RHOBTB1: variants seen among roughly 807,000 people sequenced by gnomAD.
RHOBTB1 encodes the protein rho-related BTB domain-containing protein 1.
A neutral mutation model predicts 71.6 loss-of-function variants in RHOBTB1; 40 were observed. The ratio of observed to expected loss-of-function variants is 0.56; its 90% confidence interval spans 0.43 to 0.73. The LOEUF (loss-of-function observed/expected upper bound fraction) is 0.73. RHOBTB1 is among the 30% of genes least tolerant of loss of function. The pLI is 0.00. For missense variants in RHOBTB1, 797 were observed against 894.0 expected (o/e 0.89, Z 1.38); for synonymous variants, 319 against 334.9 (o/e 0.95, Z 0.52).
At chr10:60,981,026 T>C (rs1479189532) in intron 2 of RHOBTB1, among the ~76,000 whole-genome samples, 3 of 152,248 alleles carry the variant, frequency 2.0e-5, no homozygotes, top group Non-Finnish European at 2.9e-5. Context: ...TTCTTTAATT[T>C]TGGAAATCTG....
At chr10:60,960,270 C>T (rs1276172928) in intron 2 of RHOBTB1, among the ~76,000 whole-genome samples, 2 of 152,114 alleles carry the variant, frequency 1.3e-5, no homozygotes, top group East Asian at 1.9e-4. Context: ...AATGATGCTT[C>T]CATAGAATTT....
At chr10:60,967,159 A>T (rs1466835881) in intron 2 of RHOBTB1, among the ~76,000 whole-genome samples, 1 of 151,996 alleles carries the variant, frequency 6.6e-6, no homozygotes, top group Non-Finnish European at 1.5e-5. Flanking sequence ...CCCTGTGAAA[A>T]TCCAGGTAAA....
rs570615192 is a variant in RHOBTB1 at position 60,880,778 on chromosome 10, A to G, written c.1576-2720T>C. On this transcript the variant is annotated intron_variant, in intron 7 of 10. Transcript: ENST00000337910. Reference sequence around the variant, plus strand: ...TGTATGTACATATGAATAATTAATTATTCAACTAAATCTAGCACCAGTTAC... The same window carrying G: ...TGTATGTACATATGAATAATTAATTGTTCAACTAAATCTAGCACCAGTTAC... Among the ~76,000 whole-genome samples the G allele has an allele frequency of 5.3e-5, 8 of 152,326 alleles. No homozygotes were observed. The South Asian group carries it at 1.7e-3, about 32-fold the overall frequency.
At chr10:60,993,194 T>G (rs773088060) in intron 1 of RHOBTB1, among the ~76,000 whole-genome samples, 29 of 152,110 alleles carry the variant, frequency 1.9e-4, no homozygotes, top group Non-Finnish European at 3.4e-4. Context: ...GCTCCATCTC[T>G]TCTTACTGGT....
intron 4 of RHOBTB1, among the ~76,000 whole-genome samples, chr10:60,900,124 C>T (rs1182443780): frequency 1.3e-5 from 2 of 152,070 alleles, no homozygotes; most frequent in Admixed American, 6.5e-5. Context: ...TTGAGCAGAA[C>T]GTAGTGATAT....
intron 2 of RHOBTB1, among the ~76,000 whole-genome samples, chr10:60,924,536 T>C (rs557141529): frequency 1.3e-5 from 2 of 152,044 alleles, no homozygotes; most frequent in African/African-American, 4.8e-5. Context: ...GAGACCCTGA[T>C]ATAGTAAGAG....
At chr10:60,961,529 A>C (rs2134524757) in intron 2 of RHOBTB1, among the ~76,000 whole-genome samples, 1 of 152,286 alleles carries the variant, frequency 6.6e-6, no homozygotes, top group East Asian at 1.9e-4. Flanking sequence ...ATACAGCCTC[A>C]TAAGAATGTC....
intron 4 of RHOBTB1, among the ~76,000 whole-genome samples, chr10:60,902,058 T>C (rs1026537845): frequency 6.6e-6 from 1 of 152,206 alleles, no homozygotes; most frequent in African/African-American, 2.4e-5. Context: ...GACAATTTCA[T>C]CCTGGGGACA....
intron 8 of RHOBTB1, 103 bp downstream of exon 8, chr10:60,877,805 G>A: frequency 8.8e-7 from 1 of 1,132,116 alleles, no homozygotes; most frequent in Non-Finnish European, 1.3e-6. Context: ...TCCTATTTTG[G>A]GTGATAAAAA....
chr10:60,905,122 A>T (rs947503336), intron 4 of RHOBTB1, among the ~76,000 whole-genome samples: 3 of 151,954 alleles, frequency 2.0e-5, no homozygotes, highest in Non-Finnish European at 1.5e-5. Context: ...AGGGTACCAA[A>T]AAAACTTCAG....
chr10:60,948,231 A>G (rs2085300253), upstream of RHOBTB1, among the ~76,000 whole-genome samples: 1 of 152,188 alleles, frequency 6.6e-6, no homozygotes, highest in African/African-American at 2.4e-5. Flanking sequence ...GAATTCTCAA[A>G]TTGCAAATTA....
At position 60,888,675 on chromosome 10, in the gene RHOBTB1, T is replaced by C; in HGVS notation, c.993A>G (p.Glu331=). ...TCCTAGGCGGGCCCTCCTCCCTTTC[T>C]TCCTCTGGGTCGACACTCAATATCC... ...QGRILSVDPE[E]EREEGPPRIP... is the part of the protein sequence containing the mutation. The change falls in exon 6 of 11, where the codon GAA becomes GAG. Residue 331 remains glutamate, a synonymous_variant. Transcript: ENST00000337910. 1 of 1,614,216 alleles carries C rather than the reference T, an allele frequency of 6.2e-7. No individual in the cohort carries two copies. Among genetic ancestry groups the C allele is most frequent in the Non-Finnish European group, 8.5e-7 (1 of 1,180,028 alleles).
At chr10:60,909,416 C>T (rs1009539643) in intron 4 of RHOBTB1, among the ~76,000 whole-genome samples, 3 of 151,976 alleles carry the variant, frequency 2.0e-5, no homozygotes, top group Admixed American at 6.6e-5. Flanking sequence ...AGATTCTAAA[C>T]CCAAATATTT....
At chr10:60,975,622 G>A (rs1028451845) in intron 2 of RHOBTB1, among the ~76,000 whole-genome samples, 2 of 151,972 alleles carry the variant, frequency 1.3e-5, no homozygotes, top group Non-Finnish European at 2.9e-5. Context: ...CATTCTCCAC[G>A]TGCTGTTCTG....
At chr10:60,929,313 T>C (rs1237382202) in intron 2 of RHOBTB1, among the ~76,000 whole-genome samples, 1 of 151,834 alleles carries the variant, frequency 6.6e-6, no homozygotes, top group Non-Finnish European at 1.5e-5. Context: ...TAATTGAAAA[T>C]GAAAAATTAA....
intron 5 of RHOBTB1, among the ~76,000 whole-genome samples, chr10:60,889,579 GCTT>G (rs1246526281): frequency 6.6e-6 from 1 of 151,672 alleles, no homozygotes; most frequent in Non-Finnish European, 1.5e-5. Context: ...AATTCTGATA[GCTT>G]TTTTTGTAGA....
intron 4 of RHOBTB1, among the ~76,000 whole-genome samples, chr10:60,903,215 T>C (rs1014689954): frequency 6.6e-6 from 1 of 152,154 alleles, no homozygotes; most frequent in Non-Finnish European, 1.5e-5. Context: ...GATAGGGGCC[T>C]AAATTCTAAC....
the RHOBTB1 span, among the ~76,000 whole-genome samples, chr10:60,863,731 C>T: frequency 2.3e-4 from 35 of 152,260 alleles, 1 homozygote; most frequent in Non-Finnish European, 4.6e-4. Flanking sequence ...TGGAGTTTCA[C>T]CGTGTTGGCC....
intron 1 of RHOBTB1, among the ~76,000 whole-genome samples, chr10:60,994,492 C>T (rs1343825922): frequency 6.6e-6 from 1 of 152,100 alleles, no homozygotes; most frequent in Non-Finnish European, 1.5e-5. Context: ...AATGATAGCA[C>T]TTCCAGAAAA....
Sources: gnomAD v4.1 joint callset for allele counts (sites outside exome capture counted in the v4.1 genomes callset) on GRCh38, gnomAD v4.1.1 for gene constraint, MANE v1.5 for transcripts, NCBI Gene and HGNC (gene_info 2026-07-23, HGNC 2026-07-21) for gene names.